SEMA4F: variants seen among roughly 807,000 people sequenced by gnomAD.
SEMA4F encodes semaphorin-4F.
SEMA4F carries 51 observed loss-of-function variants against 78.4 expected under a neutral mutation model. That is an observed-to-expected ratio of 0.65 (90% CI 0.52 to 0.82). The LOEUF (loss-of-function observed/expected upper bound fraction) is 0.82. SEMA4F is among the 40% of genes least tolerant of loss of function. The probability of loss-of-function intolerance (pLI) is 0.00; values close to 1 mark genes in which losing one functional copy is unlikely to be tolerated. For synonymous variants in SEMA4F, 418 were observed against 408.7 expected (o/e 1.02, Z -0.27); for missense variants, 938 against 1,014.4 (o/e 0.92, Z 1.02).
Position 74,673,780 on chromosome 2 carries a change from T to G in SEMA4F, c.774T>G (p.Phe258Leu). 11 of 1,614,202 alleles carry G rather than the reference T, an allele frequency of 6.8e-6. No homozygotes were observed. The highest frequency in any genetic ancestry group is 9.3e-6 in the Non-Finnish European group (11 of 1,180,040). ...TCTTTACGGAGACTTCCCGAGCATTTGACTCATACGAGCGCATTAAAGTCC... is the reference window on the plus strand; with the variant it reads ...TCTTTACGGAGACTTCCCGAGCATTGGACTCATACGAGCGCATTAAAGTCC... ...YFFFTETSRA[F>L]DSYERIKVPR... Residue 258 changes from phenylalanine to leucine, a missense_variant, in exon 7 of 14, where the codon TTT becomes TTG. Coordinates refer to ENST00000357877, the MANE Select transcript of SEMA4F (RefSeq NM_004263.5).
chr2:74,671,343 C>A (rs539346762), intron 5 of SEMA4F, among the ~76,000 whole-genome samples: 2 of 152,312 alleles, frequency 1.3e-5, no homozygotes, highest in East Asian at 3.9e-4. Context: ...GCCTGAGACA[C>A]GCTGCTTCTC....
chr2:74,657,601 T>A lies in SEMA4F; in HGVS notation c.334T>A (p.Cys112Ser). 1 of 1,614,218 alleles carries A rather than the reference T, an allele frequency of 6.2e-7. No individual in the cohort carries two copies. Among genetic ancestry groups the A allele is most frequent in the Non-Finnish European group, 8.5e-7 (1 of 1,180,032 alleles). ...GGTTCCTGAGGCTCACAGACAGAAC[T>A]GTAGGAAGAAAGGCAAGAAAGAGGT... is the stretch of plus-strand genomic sequence containing the variant. ...WMVPEAHRQN[C>S]RKKGKKEDEC... The change falls in exon 3 of 14, where the codon TGT (cysteine) becomes AGT (serine). Residue 112 changes from cysteine to serine, a missense_variant. Coordinates refer to ENST00000357877, the MANE Select transcript of SEMA4F (RefSeq NM_004263.5).
Position 74,674,499 on chromosome 2 carries a change from G to A in SEMA4F, c.824G>A (p.Gly275Glu). The A allele has an allele frequency of 2.5e-6, 4 of 1,611,810 alleles. No homozygotes were observed. Among genetic ancestry groups the A allele is most frequent in the Non-Finnish European group, 2.5e-6 (3 of 1,178,798 alleles). ...CCTCCCATGTGTTTGTCACCCCAGG[G>A]GGACCTCGGGGGCCGGAAGACCCTC... ...KVPRVARVCA[G>E]DLGGRKTLQQ... Residue 275 changes from glycine to glutamate, a missense_variant and splice_region_variant, in exon 8 of 14, where the codon GGG (glycine) becomes GAG (glutamate). Physicochemically the swap from Gly to Glu is moderately conservative, Grantham distance 98. Transcript: ENST00000357877.
the SEMA4F span, among the ~76,000 whole-genome samples, chr2:74,698,890 G>T: frequency 2.0e-5 from 3 of 152,142 alleles, no homozygotes; most frequent in Non-Finnish European, 4.4e-5. Context: ...GTAGTACCAG[G>T]TTTCATGGTA....
chr2:74,706,174 A>T, the SEMA4F span, among the ~76,000 whole-genome samples: 1 of 152,242 alleles, frequency 6.6e-6, no homozygotes, highest in Non-Finnish European at 1.5e-5. Flanking sequence ...AATTCATTTA[A>T]TTTTTACCAT....
In SEMA4F at chr2:74,683,148, T is replaced by C. The variant is rs1360155637; in HGVS notation, c.*2939T>C. 1.3e-5 allele frequency: 2 copies of C among 152,180 alleles called. No individual in the cohort carries two copies. The highest frequency in any genetic ancestry group is 4.8e-5 in the African/African-American group (2 of 41,436). 9.4% of individuals were successfully genotyped at this position (152,180 alleles called of 1,614,324 possible). On this transcript the variant is annotated 3_prime_UTR_variant, in exon 14 of 14. Transcript: ENST00000357877. ...TTATTATACCTTATTAAAACAAACC[T>C]GGGTACATTTGTAAGACAGCAGGGA...
intron 2 of SEMA4F, among the ~76,000 whole-genome samples, chr2:74,657,257 C>G (rs190707541): frequency 1.3e-5 from 2 of 152,328 alleles, no homozygotes; most frequent in Admixed American, 1.3e-4. Flanking sequence ...AAGGGATGCT[C>G]AGTGTATACT....
intron 4 of SEMA4F, among the ~76,000 whole-genome samples, chr2:74,661,589 A>G (rs910555866): frequency 6.6e-6 from 1 of 152,172 alleles, no homozygotes; most frequent in African/African-American, 2.4e-5. Flanking sequence ...TCCCACTGTC[A>G]CACAGCTGGA....
At chr2:74,676,895 TTTTG>T (rs943670248) in intron 12 of SEMA4F, among the ~76,000 whole-genome samples, 18 of 152,170 alleles carry the variant, frequency 1.2e-4, no homozygotes, top group African/African-American at 3.1e-4. Context: ...ATAAGGAGTT[TTTTG>T]TTTGTTTGTT....
chr2:74,683,797 A>G lies in SEMA4F; in HGVS notation c.*3588A>G, dbSNP rs1457225702. On this transcript the variant is annotated 3_prime_UTR_variant, in exon 14 of 14. Coordinates refer to ENST00000357877, the MANE Select transcript of SEMA4F (RefSeq NM_004263.5). Reference sequence around the variant, plus strand: ...ATCAAATATCTCATCAGATGACTGGATGCTTAGAATCGGGTTAACTTGATT... The same window carrying G: ...ATCAAATATCTCATCAGATGACTGGGTGCTTAGAATCGGGTTAACTTGATT... The G allele has an allele frequency of 6.6e-6, 1 of 152,216 alleles. No individual in the cohort carries two copies. Among genetic ancestry groups the G allele is most frequent in the African/African-American group, 2.4e-5 (1 of 41,446 alleles). 9.4% of individuals were successfully genotyped at this position (152,216 alleles called of 1,614,324 possible).
At chr2:74,698,956 G>A in the SEMA4F span, among the ~76,000 whole-genome samples, 5 of 152,094 alleles carry the variant, frequency 3.3e-5, no homozygotes, top group Admixed American at 3.3e-4. Flanking sequence ...ACAGACTCCT[G>A]AAGTTTGAGG....
intron 5 of SEMA4F, among the ~76,000 whole-genome samples, chr2:74,667,168 G>C (rs1320104524): frequency 6.6e-6 from 1 of 152,182 alleles, no homozygotes; most frequent in Non-Finnish European, 1.5e-5. Flanking sequence ...TGCATACACA[G>C]ATGGATGTAG....
At chr2:74,667,215 A>G (rs1684741614) in intron 5 of SEMA4F, among the ~76,000 whole-genome samples, 1 of 152,238 alleles carries the variant, frequency 6.6e-6, no homozygotes, top group Non-Finnish European at 1.5e-5. Context: ...ATACATTCAA[A>G]TTTTAAAATT....
Position 74,659,665 on chromosome 2 carries a change from G to A in SEMA4F, c.456+1714G>A, listed in dbSNP as rs575084981. 5.6e-4 allele frequency among the ~76,000 whole-genome samples: 86 copies of A among 152,272 alleles called. No homozygotes were observed. In the South Asian group the frequency reaches 6.8e-3, roughly 12 times the overall value. On this transcript the variant is annotated intron_variant, in intron 4 of 13. Coordinates refer to ENST00000357877, the MANE Select transcript of SEMA4F (RefSeq NM_004263.5). ...CTGGTAACCCTTTGAGCCACATCCT[G>A]TCTGCTCTGTAGACGTTTTGAAAGT...
the SEMA4F span, among the ~76,000 whole-genome samples, chr2:74,707,211 T>G: frequency 6.6e-6 from 1 of 152,230 alleles, no homozygotes; most frequent in African/African-American, 2.4e-5. Context: ...TTTTCCAAAT[T>G]TGTTAATTAT....
the SEMA4F span, among the ~76,000 whole-genome samples, chr2:74,707,100 T>C: frequency 8.3e-4 from 126 of 152,160 alleles, no homozygotes; most frequent in Non-Finnish European, 8.1e-4. Flanking sequence ...CATTTCATGA[T>C]CCTAGATTGG....
At chr2:74,686,452 T>C (rs1484898391), downstream of SEMA4F, among the ~76,000 whole-genome samples, 1 of 152,196 alleles carries the variant, frequency 6.6e-6, no homozygotes, top group Non-Finnish European at 1.5e-5. Flanking sequence ...AGTTCCACCA[T>C]TGTGGAGGAC....
chr2:74,674,722 T>A, intron 8 of SEMA4F, 46 bp downstream of exon 8: 1 of 1,598,638 alleles, frequency 6.3e-7, no homozygotes, highest in Non-Finnish European at 8.5e-7. Flanking sequence ...GGGAGATATG[T>A]GGGGTTGGCA....
At position 74,655,429 on chromosome 2, in the gene SEMA4F, G is replaced by A; in HGVS notation, c.145+908G>A. The A allele has an allele frequency of 1.8e-5, 4 of 226,832 alleles. No homozygotes were observed. In the South Asian group the frequency reaches 2.4e-4, roughly 14 times the overall value. 14.1% of individuals were successfully genotyped at this position (226,832 alleles called of 1,614,324 possible). On this transcript the variant is annotated intron_variant, in intron 1 of 13. Coordinates refer to ENST00000357877, the MANE Select transcript of SEMA4F (RefSeq NM_004263.5). ...CCGTGGACCTTGTTGTCTTCTCAGT[G>A]GGCATTGAGTGTTATTAGCACCTTG...
Sources: allele counts gnomAD v4.1 joint callset (sites outside exome capture counted in the v4.1 genomes callset), GRCh38; gene constraint gnomAD v4.1.1; transcripts MANE v1.5; gene names NCBI Gene and HGNC (gene_info 2026-07-23, HGNC 2026-07-21).